The following NOL9 variants were observed in gnomAD, a reference collection of about 807,000 sequenced individuals.
The protein encoded by NOL9 is nucleolar protein 9.
In NOL9, 28 loss-of-function variants were observed where a neutral mutation model predicts 67.9. The ratio of observed to expected loss-of-function variants is 0.41; its 90% confidence interval spans 0.31 to 0.57. The LOEUF (loss-of-function observed/expected upper bound fraction) is 0.57. Among genes scored for constraint, NOL9 ranks in the 20% least tolerant of loss-of-function variants. The probability of loss-of-function intolerance (pLI) is 0.25; values close to 1 mark genes in which losing one functional copy is unlikely to be tolerated. For missense variants in NOL9, 777 were observed against 897.0 expected (o/e 0.87, Z 1.71); for synonymous variants, 356 against 352.2 (o/e 1.01, Z -0.12).
In NOL9 at chr1:6,550,479, G is replaced by T. The variant is rs1448123931; in HGVS notation, c.533C>A (p.Ala178Glu). The change falls in exon 2 of 12, where the codon GCA becomes GAA. Residue 178 changes from alanine to glutamate, a missense_variant. Coordinates refer to ENST00000377705, the MANE Select transcript of NOL9 (RefSeq NM_024654.5). ...VYTHSCLSIH[A>E]LHYSQPEKSK... The stretch of plus-strand genomic sequence containing the variant: ...TTTCTCAGGCTGTGAGTAGTGAAGT[G>T]CATGGATACTCAAGCAAGAGTGGGT... 6.2e-7 allele frequency: 1 copy of T among 1,614,076 alleles called. No homozygotes were observed. The highest frequency in any genetic ancestry group is 8.5e-7 in the Non-Finnish European group (1 of 1,180,014).
chr1:6,529,154 G>A lies in NOL9; in HGVS notation c.1665C>T (p.Val555=), dbSNP rs149953766. 58 of 1,613,352 alleles carry A rather than the reference G, an allele frequency of 3.6e-5. No individual in the cohort carries two copies. In the African/African-American group the frequency reaches 3.7e-4, roughly 10 times the overall value. ...LTPYQVPFNA[V]ALRITHSDVA... ...CATCAGAGTGGGTAATCCGGAGTGC[G>A]ACTGCATTGAAAGGGACCTGGAAAA... The change falls in exon 10 of 12, where the codon GTC becomes GTT. Residue 555 remains valine (V), a synonymous_variant. Coordinates refer to ENST00000377705, the MANE Select transcript of NOL9 (RefSeq NM_024654.5).
Position 6,554,442 on chromosome 1 carries a change from G to T in NOL9, c.61C>A (p.Arg21Ser), listed in dbSNP as rs374264473. Residue 21 changes from arginine to serine, a missense_variant, in exon 1 of 12, where the codon CGC (arginine) becomes AGC (serine). By Grantham distance (110) the Arg-to-Ser change is moderately radical. Around this residue, in one of 2 missense-constraint regions of NOL9, gnomAD observed 364 missense variants for 344.4 expected, o/e 1.06. Coordinates refer to ENST00000377705, the MANE Select transcript of NOL9 (RefSeq NM_024654.5). ...AGGATGAGCTGGGGCCGGGCCTTGC[G>T]GACCCGCAGCCAAGTGGAACGGCAG... ...GSCRSTWLRV[R>S]KARPQLILSR... is the part of the protein sequence containing the mutation. 1.2e-5 allele frequency: 19 copies of T among 1,550,698 alleles called. No individual in the cohort carries two copies. The South Asian group carries it at 1.9e-4, about 15-fold the overall frequency.
At chr1:6,536,242 A>C (rs1029093745) in intron 6 of NOL9, among the ~76,000 whole-genome samples, 1 of 152,052 alleles carries the variant, frequency 6.6e-6, no homozygotes, top group African/African-American at 2.4e-5. Context: ...GCTACTCGGG[A>C]GGCTGAGGCA....
At chr1:6,526,462 C>A (rs1186419566) in intron 11 of NOL9, among the ~76,000 whole-genome samples, 1 of 152,170 alleles carries the variant, frequency 6.6e-6, no homozygotes, top group East Asian at 1.9e-4. Context: ...TATGTAAAGG[C>A]TCCACCACGG....
intron 6 of NOL9, among the ~76,000 whole-genome samples, chr1:6,540,105 C>T (rs1432595576): frequency 1.3e-5 from 2 of 149,108 alleles, no homozygotes; most frequent in Non-Finnish European, 3.0e-5. Context: ...CCTGCCTCAG[C>T]CTCCCAAGGA....
intron 11 of NOL9, 35 bp from the exon 12 acceptor site, chr1:6,526,038 T>G: frequency 6.2e-7 from 1 of 1,600,754 alleles, no homozygotes; most frequent in Non-Finnish European, 8.6e-7. Flanking sequence ...ATGGAAACAC[T>G]CCAGGTCCAG....
In NOL9 at chr1:6,525,607, TCTG is replaced by T; in HGVS notation, c.*244_*246del. 2.1e-6 allele frequency: 1 copy of T among 486,386 alleles called. No individual in the cohort carries two copies. Among genetic ancestry groups the T allele is most frequent in the South Asian group, 3.2e-5 (1 of 31,120 alleles). The allele number at this position is 486,386 out of a possible 1,614,324, so 30.1% of individuals were successfully genotyped here. A position where few individuals can be genotyped will look rare whatever the true frequency, so the allele number is the denominator to read the frequency against. Reference sequence around the variant, plus strand: ...TGTTTTAATGGCACACAAACTGTTCTCTGCTGTTTTACTCCCTCTGGACAGCAA... The same window carrying T: ...TGTTTTAATGGCACACAAACTGTTCTCTGTTTTACTCCCTCTGGACAGCAA... On this transcript the variant is annotated 3_prime_UTR_variant, in exon 12 of 12. Coordinates refer to ENST00000377705, the MANE Select transcript of NOL9 (RefSeq NM_024654.5).
rs1367799736 is a variant in NOL9, at chr1:6,526,781, G to C, written c.1874C>G (p.Thr625Ser). 6.2e-7 allele frequency: 1 copy of C among 1,613,824 alleles called. No individual in the cohort carries two copies. Among genetic ancestry groups the C allele is most frequent in the Non-Finnish European group, 8.5e-7 (1 of 1,179,840 alleles). The change falls in exon 11 of 12, where the codon ACC becomes AGC. Residue 625 changes from threonine (T) to serine (S), a missense_variant. Physicochemically the swap from Thr to Ser is moderately conservative, Grantham distance 58. Around this residue, in one of 2 missense-constraint regions of NOL9, gnomAD observed 413 missense variants for 552.6 expected, o/e 0.75. Transcript: ENST00000377705. ...CCTTAGCTCTTCCGGGGGCACAGGG[G>C]TGAGGATGTGGTACAGCCGCTTCTC... The part of the protein sequence containing the change: ...DMEKRLYHIL[T>S]PVPPEELRTV...
At chr1:6,526,209 A>G (rs933693958) in intron 11 of NOL9, among the ~76,000 whole-genome samples, 3 of 152,064 alleles carry the variant, frequency 2.0e-5, no homozygotes, top group African/African-American at 7.2e-5. Flanking sequence ...CTTCTGTCCC[A>G]TTCCATCAAC....
chr1:6,549,543 C>CAA, intron 3 of NOL9, 28 bp downstream of exon 3: 2 of 1,609,832 alleles, frequency 1.2e-6, no homozygotes, highest in Non-Finnish European at 1.7e-6. Context: ...AAGTAATTAG[C>CAA]AAAACTCTGA....
At chr1:6,532,877 A>G in intron 7 of NOL9, 117 bp from the exon 8 acceptor site, 1 of 1,044,720 alleles carries the variant, frequency 9.6e-7, no homozygotes, top group East Asian at 2.6e-5. Context: ...GAAACCATCA[A>G]TACGTTGGAC....
intron 4 of NOL9, 44 bp downstream of exon 4, chr1:6,545,001 G>GTC: frequency 6.2e-7 from 1 of 1,614,038 alleles, no homozygotes; most frequent in Non-Finnish European, 8.5e-7. Flanking sequence ...TCCTCTGGGG[G>GTC]TCTGGTGGAC....
chr1:6,540,218 G>C (rs1253481032), intron 6 of NOL9, among the ~76,000 whole-genome samples: 1 of 145,780 alleles, frequency 6.9e-6, no homozygotes, highest in African/African-American at 2.5e-5. Context: ...CGCCTCCTGG[G>C]TTCATGCCAT....
chr1:6,550,769 C>T (rs554473624), intron 1 of NOL9, among the ~76,000 whole-genome samples, 154 bp from the exon 2 acceptor site: 13 of 151,528 alleles, frequency 8.6e-5, no homozygotes, highest in Admixed American at 2.0e-4. Flanking sequence ...CCGCAACCTC[C>T]ACCTCCCAGG....
intron 6 of NOL9, among the ~76,000 whole-genome samples, chr1:6,541,422 T>G (rs573455882): frequency 3.9e-5 from 6 of 152,306 alleles, no homozygotes; most frequent in East Asian, 1.9e-4. Context: ...CCTCAGGTGA[T>G]GCACCAGCCT....
chr1:6,549,462 A>G (rs768029495), intron 3 of NOL9, 109 bp downstream of exon 3: 115 of 1,206,168 alleles, frequency 9.5e-5, no homozygotes, highest in Non-Finnish European at 1.3e-4. Context: ...TAGGACTGAG[A>G]GCACTAGATA....
intron 9 of NOL9, among the ~76,000 whole-genome samples, chr1:6,531,659 T>C (rs1049775234): frequency 2.6e-5 from 4 of 152,086 alleles, no homozygotes; most frequent in African/African-American, 9.7e-5. Flanking sequence ...TGCGACCAGA[T>C]GGGACATTCA....
At chr1:6,540,655 G>A (rs1639265789) in intron 6 of NOL9, among the ~76,000 whole-genome samples, 1 of 151,982 alleles carries the variant, frequency 6.6e-6, no homozygotes, top group East Asian at 1.9e-4. Context: ...GTGAAACGCT[G>A]TCTCTACTAA....
At chr1:6,549,547 A>G in intron 3 of NOL9, 24 bp downstream of exon 3, 2 of 1,610,792 alleles carry the variant, frequency 1.2e-6, no homozygotes, top group Non-Finnish European at 1.7e-6. Flanking sequence ...AATTAGCAAA[A>G]CTCTGAATGA....
Sources: allele counts gnomAD v4.1 joint callset (sites outside exome capture counted in the v4.1 genomes callset), GRCh38; gene constraint gnomAD v4.1.1; regional missense constraint gnomAD v4.1.1; transcripts MANE v1.5; gene names NCBI Gene and HGNC (gene_info 2026-07-23, HGNC 2026-07-21).